Variants in FHOD3 observed in about 807,000 individuals in gnomAD.
The protein encoded by FHOD3 is FH1/FH2 domain-containing protein 3.
Under a neutral mutation model 173.0 loss-of-function variants are expected in FHOD3, and 90 were observed. The observed-to-expected ratio is 0.52, with a 90% CI of 0.44 to 0.62. The LOEUF is 0.62. Ranked by LOEUF, FHOD3 falls within the 20% of genes least tolerant of loss-of-function variation. The pLI is 0.00. For missense variants in FHOD3, 1,945 were observed against 2,034.7 expected (o/e 0.96, Z 0.85); for synonymous variants, 828 against 823.0 (o/e 1.01, Z -0.10).
chr18:36,673,158 G>A (rs1309766295), intron 14 of FHOD3, among the ~76,000 whole-genome samples: 1 of 152,136 alleles, frequency 6.6e-6, no homozygotes, highest in East Asian at 1.9e-4. Flanking sequence ...CAGTGGGTTT[G>A]TTCTGTTAAG....
At chr18:36,721,602 A>T (rs756506198) in intron 19 of FHOD3, among the ~76,000 whole-genome samples, 14 of 152,210 alleles carry the variant, frequency 9.2e-5, no homozygotes, top group Non-Finnish European at 1.9e-4. Context: ...AGCTGTGATC[A>T]TGCCACTGCA....
At chr18:36,327,167 C>T (rs2044715042) in intron 1 of FHOD3, among the ~76,000 whole-genome samples, 1 of 152,156 alleles carries the variant, frequency 6.6e-6, no homozygotes, top group South Asian at 2.1e-4. Flanking sequence ...GTGATCTTTC[C>T]CCCTCAACAA....
rs1216139404 is a variant in FHOD3, at chr18:36,658,195, T to C, written c.1835+7T>C. ...AGGAGGCCAGGTTGGAAAGGTGAGT[T>C]CGACAAGCACGCTGATAGCTTCACA... On this transcript the variant is annotated splice_region_variant and intron_variant, in intron 14 of 28. Transcript: ENST00000590592. 1.3e-6 allele frequency: 2 copies of C among 1,569,200 alleles called. No homozygotes were observed. The highest frequency in any genetic ancestry group is 2.8e-5 in the African/African-American group (2 of 71,900).
chr18:36,349,210 AC>A (rs2046003674), intron 1 of FHOD3, among the ~76,000 whole-genome samples: 1 of 152,010 alleles, frequency 6.6e-6, no homozygotes, highest in Non-Finnish European at 1.5e-5. Context: ...CGAGTCTTTC[AC>A]CCTCCAGTGG....
At position 36,717,495 on chromosome 18, in the gene FHOD3, A is replaced by G. The variant is rs967424300; in HGVS notation, c.2534-337A>G. Reference sequence around the variant, plus strand: ...GCTTCTTGCCTCCCTATCTCAAGTTAGGGCAGAGGCTCCTTAGTTACCTGT... The same window carrying G: ...GCTTCTTGCCTCCCTATCTCAAGTTGGGGCAGAGGCTCCTTAGTTACCTGT... On this transcript the variant is annotated intron_variant, in intron 18 of 28. Coordinates refer to ENST00000590592, the MANE Select transcript of FHOD3 (RefSeq NM_001281740.3). 2.6e-5 allele frequency among the ~76,000 whole-genome samples: 4 copies of G among 152,190 alleles called. 1 individual carries two copies. Among genetic ancestry groups the G allele is most frequent in the African/African-American group, 9.6e-5 (4 of 41,530 alleles).
chr18:36,569,251 T>C (rs1190294446), intron 5 of FHOD3, among the ~76,000 whole-genome samples: 1 of 152,070 alleles, frequency 6.6e-6, no homozygotes, highest in Non-Finnish European at 1.5e-5. Flanking sequence ...TATAATGCTA[T>C]AGGTGGTTTA....
intron 14 of FHOD3, among the ~76,000 whole-genome samples, chr18:36,670,456 A>T (rs1388658316): frequency 6.6e-6 from 1 of 152,068 alleles, no homozygotes; most frequent in African/African-American, 2.4e-5. Context: ...TTCATTTTGA[A>T]TAATTATGTT....
At chr18:36,477,200 C>T (rs1425077252) in intron 3 of FHOD3, among the ~76,000 whole-genome samples, 1 of 152,036 alleles carries the variant, frequency 6.6e-6, no homozygotes, top group African/African-American at 2.4e-5. Flanking sequence ...GACCTGTCTC[C>T]TTAGTTGGGG....
intron 3 of FHOD3, among the ~76,000 whole-genome samples, chr18:36,433,543 T>C (rs530428961): frequency 2.7e-4 from 41 of 152,374 alleles, no homozygotes; most frequent in African/African-American, 8.7e-4. Context: ...TCTGGGCATG[T>C]GGTCTAGTGC....
rs1444125482 is a variant in FHOD3, at chr18:36,652,745, C to T, written c.1462C>T (p.Leu488Phe). 6.5e-7 allele frequency: 1 copy of T among 1,535,794 alleles called. No homozygotes were observed. The highest frequency in any genetic ancestry group is 1.4e-5 in the African/African-American group (1 of 73,006). The change falls in exon 12 of 29, where the codon CTC (leucine) becomes TTC (phenylalanine). Residue 488 changes from leucine to phenylalanine, a missense_variant. By Grantham distance (22) the Leu-to-Phe change is conservative. This residue lies in a region of FHOD3 where 1,099 missense variants were observed against 1,051.2 expected (regional missense o/e 1.05). Transcript: ENST00000590592. Reference protein sequence around the residue: ...SSGSEATPSALLSPPASAARP... With the variant: ...SSGSEATPSAFLSPPASAARP... The stretch of plus-strand genomic sequence containing the variant: ...TGGGTCTGAGGCCACCCCATCTGCC[C>T]TCCTGTCACCCCCTGCCTCAGCTGC...
At chr18:36,693,632 A>C (rs1436268216) in intron 17 of FHOD3, among the ~76,000 whole-genome samples, 4 of 152,234 alleles carry the variant, frequency 2.6e-5, no homozygotes, top group Non-Finnish European at 5.9e-5. Flanking sequence ...AAAATGATTC[A>C]TCAAAGTTGT....
chr18:36,301,888 A>G (rs2091963954), intron 1 of FHOD3, among the ~76,000 whole-genome samples: 1 of 152,226 alleles, frequency 6.6e-6, no homozygotes, highest in African/African-American at 2.4e-5. Flanking sequence ...AATTCAGGAA[A>G]TGTTTTGTTG....
chr18:36,426,882 T>G (rs569404461), intron 3 of FHOD3, among the ~76,000 whole-genome samples: 5 of 152,300 alleles, frequency 3.3e-5, no homozygotes, highest in African/African-American at 9.6e-5. Context: ...TTATAAATGG[T>G]TTTGTTTAAT....
chr18:36,707,609 G>T (rs939533531), intron 17 of FHOD3, among the ~76,000 whole-genome samples: 2 of 152,174 alleles, frequency 1.3e-5, no homozygotes, highest in African/African-American at 2.4e-5. Context: ...AGAATGAGTT[G>T]CTGGGAAGCT....
intron 2 of FHOD3, among the ~76,000 whole-genome samples, chr18:36,363,277 T>C (rs536527823): frequency 6.6e-6 from 1 of 152,248 alleles, no homozygotes; most frequent in Admixed American, 6.5e-5. Context: ...CCATACAATT[T>C]GGCAATCGTG....
chr18:36,302,405 C>G (rs1480015721), intron 1 of FHOD3, among the ~76,000 whole-genome samples: 1 of 152,188 alleles, frequency 6.6e-6, no homozygotes, highest in Admixed American at 6.5e-5. Context: ...CCCCCCCGAC[C>G]TGCTGAATCA....
At chr18:36,518,683 T>A (rs1216187498) in intron 5 of FHOD3, among the ~76,000 whole-genome samples, 3 of 152,240 alleles carry the variant, frequency 2.0e-5, no homozygotes, top group Admixed American at 2.0e-4. Flanking sequence ...TACAGCTTTC[T>A]GGCTTTTCTT....
intron 5 of FHOD3, among the ~76,000 whole-genome samples, chr18:36,553,504 A>G (rs1033434242): frequency 6.6e-6 from 1 of 152,086 alleles, no homozygotes; most frequent in Non-Finnish European, 1.5e-5. Context: ...AGAGCCTGCT[A>G]TTGGTCTATT....
chr18:36,551,411 A>G (rs1245251206), intron 5 of FHOD3, among the ~76,000 whole-genome samples: 1 of 151,926 alleles, frequency 6.6e-6, no homozygotes, highest in Non-Finnish European at 1.5e-5. Flanking sequence ...CCCCTCTTCA[A>G]TTTTCTGGAA....
Sources: gnomAD v4.1 joint callset for allele counts (sites outside exome capture counted in the v4.1 genomes callset) on GRCh38, gnomAD v4.1.1 for gene constraint, gnomAD v4.1.1 regional missense constraint, MANE v1.5 for transcripts, NCBI Gene and HGNC (gene_info 2026-07-23, HGNC 2026-07-21) for gene names.